The following WDPCP variants were observed in gnomAD, a reference collection of about 807,000 sequenced individuals.
The protein encoded by WDPCP is WD repeat-containing and planar cell polarity effector protein fritz homolog.
A neutral mutation model predicts 93.1 loss-of-function variants in WDPCP; 71 were observed. That is an observed-to-expected ratio of 0.76 (90% CI 0.63 to 0.93). The LOEUF (loss-of-function observed/expected upper bound fraction) is 0.93, where lower values mean the gene tolerates loss of function less well. Among genes scored for constraint, WDPCP ranks in the 40% least tolerant of loss-of-function variants. WDPCP has a pLI of 0.00. For synonymous variants in WDPCP, 315 were observed against 315.0 expected, an observed-to-expected ratio of 1.00 and a Z score of 0.00; for missense variants, 844 against 887.4, an observed-to-expected ratio of 0.95 and a Z score of 0.62.
chr2:63,644,926 A>G (rs1710031787), intron 3 of WDPCP, among the ~76,000 whole-genome samples: 1 of 152,012 alleles, frequency 6.6e-6, no homozygotes, highest in Admixed American at 6.5e-5. Flanking sequence ...AGGTTTATCC[A>G]TTTTGTTTAT....
At chr2:63,405,531 TAGTGTG>T (rs1367201661) in intron 9 of WDPCP, among the ~76,000 whole-genome samples, 3 of 119,438 alleles carry the variant, frequency 2.5e-5, no homozygotes, top group South Asian at 2.9e-4. Context: ...GATTTTGGTA[TAGTGTG>T]TGTGTGTGTG....
chr2:63,537,596 A>G (rs1704387282), intron 1 of WDPCP, among the ~76,000 whole-genome samples: 1 of 152,164 alleles, frequency 6.6e-6, no homozygotes, highest in South Asian at 2.1e-4. Context: ...GCCTTTTTAC[A>G]TATCATTTAA....
intron 2 of WDPCP, among the ~76,000 whole-genome samples, chr2:63,759,078 G>C (rs1391085579): frequency 1.3e-5 from 2 of 151,242 alleles, no homozygotes; most frequent in African/African-American, 4.9e-5. Flanking sequence ...ACCATGCACG[G>C]CCAAAAAAAA....
At chr2:63,648,936 T>C (rs1423854456) in intron 3 of WDPCP, among the ~76,000 whole-genome samples, 4 of 152,230 alleles carry the variant, frequency 2.6e-5, no homozygotes, top group Non-Finnish European at 5.9e-5. Flanking sequence ...CATTTTCACA[T>C]GGATTGCTGT....
At position 63,430,331 on chromosome 2, in the gene WDPCP, A is replaced by C. The variant is rs559117961; in HGVS notation, c.825+3414T>G. On this transcript the variant is annotated intron_variant, in intron 9 of 17. Transcript: ENST00000272321. ...ACCCCAAACCACAGCAACCTGCAAT[A>C]TACCTTTGTTAACAAGCCTGCACAA... is the stretch of plus-strand genomic sequence containing the variant. 2.0e-5 allele frequency among the ~76,000 whole-genome samples: 3 copies of C among 152,300 alleles called. No homozygotes were observed. The East Asian group carries it at 5.8e-4, about 29-fold the overall frequency.
chr2:63,636,249 A>G (rs937665367), intron 3 of WDPCP, among the ~76,000 whole-genome samples: 1 of 152,244 alleles, frequency 6.6e-6, no homozygotes, highest in Non-Finnish European at 1.5e-5. Flanking sequence ...CATGGATTGG[A>G]AGAATATTGT....
At chr2:63,643,753 TTCTC>T in intron 3 of WDPCP, 1 of 528,478 alleles carries the variant, frequency 1.9e-6, no homozygotes, top group East Asian at 5.1e-5. Context: ...CAGACGGACA[TTCTC>T]TCCAGTCTTG....
intron 6 of WDPCP, among the ~76,000 whole-genome samples, chr2:63,450,050 G>A (rs1453715357): frequency 1.3e-5 from 2 of 152,308 alleles, no homozygotes; most frequent in African/African-American, 4.8e-5. Flanking sequence ...CAAAGTGCAT[G>A]CTTTCCAGAG....
At chr2:63,709,493 T>A (rs564086412) in intron 2 of WDPCP, among the ~76,000 whole-genome samples, 4 of 152,268 alleles carry the variant, frequency 2.6e-5, no homozygotes, top group African/African-American at 9.6e-5. Flanking sequence ...ATATTCCCAA[T>A]AAATAGAATC....
At chr2:63,280,329 A>G (rs761419329) in intron 13 of WDPCP, among the ~76,000 whole-genome samples, 1 of 152,198 alleles carries the variant, frequency 6.6e-6, no homozygotes, top group Non-Finnish European at 1.5e-5. Flanking sequence ...AAAAACGGAA[A>G]CCACTGATAA....
chr2:63,166,032 T>G (rs1672941470), intron 15 of WDPCP, among the ~76,000 whole-genome samples: 1 of 151,910 alleles, frequency 6.6e-6, no homozygotes, highest in African/African-American at 2.4e-5. Flanking sequence ...TTTGTTTTGT[T>G]TTTTGCTTTG....
intron 17 of WDPCP, among the ~76,000 whole-genome samples, chr2:63,144,408 T>C (rs1467220061): frequency 6.6e-6 from 1 of 151,994 alleles, no homozygotes; most frequent in Non-Finnish European, 1.5e-5. Flanking sequence ...AATTTTTGTA[T>C]TTTTGTCCAG....
At chr2:63,827,588 T>G (rs189627129) in intron 1 of WDPCP, 1 of 152,310 alleles carries the variant, frequency 6.6e-6, no homozygotes, top group African/African-American at 2.4e-5. Context: ...CAACTTAAAA[T>G]GGCCTAAACG....
chr2:63,204,664 T>C (rs981092274), intron 14 of WDPCP, among the ~76,000 whole-genome samples: 2 of 152,184 alleles, frequency 1.3e-5, no homozygotes, highest in East Asian at 3.9e-4. Context: ...AAATGTCTAT[T>C]TAAATCTTTA....
In WDPCP at chr2:63,437,845, A is replaced by T. The variant is rs200884279; in HGVS notation, c.500-291T>A. ...GAAACAGGGCTATAAAGGTATTTTT[A>T]AAAAACTATTTCGCACCTGAATGTA... On this transcript the variant is annotated intron_variant, in intron 7 of 17. Coordinates refer to ENST00000272321, the MANE Select transcript of WDPCP (RefSeq NM_015910.7). 46 of 1,598,464 alleles carry T rather than the reference A, an allele frequency of 2.9e-5. No homozygotes were observed. The Admixed American group carries it at 3.8e-4, about 13-fold the overall frequency.
At chr2:63,150,206 GTTTT>G (rs1671794384) in intron 17 of WDPCP, among the ~76,000 whole-genome samples, 2 of 152,100 alleles carry the variant, frequency 1.3e-5, no homozygotes, top group South Asian at 4.1e-4. Context: ...TTTTTATTTT[GTTTT>G]CTGGCTTTCC....
At chr2:63,377,659 C>T (rs1400745282) in intron 12 of WDPCP, among the ~76,000 whole-genome samples, 1 of 151,500 alleles carries the variant, frequency 6.6e-6, no homozygotes, top group African/African-American at 2.4e-5. Context: ...TCACTCCAGA[C>T]TGCTCTAAAT....
At chr2:63,707,174 G>A (rs370910617) in intron 2 of WDPCP, among the ~76,000 whole-genome samples, 1 of 152,136 alleles carries the variant, frequency 6.6e-6, no homozygotes, top group South Asian at 2.1e-4. Context: ...ATGTTGGCCT[G>A]CCTTGCTAGA....
chr2:63,277,974 T>C (rs554466096), intron 13 of WDPCP, among the ~76,000 whole-genome samples: 1 of 152,280 alleles, frequency 6.6e-6, no homozygotes, highest in East Asian at 1.9e-4. Context: ...ACATGGAACA[T>C]TCTCCAAGAC....
Sources: gnomAD v4.1 joint callset for allele counts (sites outside exome capture counted in the v4.1 genomes callset) on GRCh38, gnomAD v4.1.1 for gene constraint, MANE v1.5 for transcripts, NCBI Gene and HGNC (gene_info 2026-07-23, HGNC 2026-07-21) for gene names.